Variants in MISFA observed in about 807,000 individuals in gnomAD.
The protein encoded by MISFA is mitochondrial sheath formation-associated protein.
At chr11:18,602,477 CCTCA>C in the MISFA span, 1 of 152,618 alleles carries the variant, frequency 6.6e-6, no homozygotes, top group Non-Finnish European at 1.5e-5. Flanking sequence ...CTATTCTGTG[CCTCA>C]CTTTCTCCAG....
At chr11:18,601,496 G>T in the MISFA span, 2 of 395,334 alleles carry the variant, frequency 5.1e-6, no homozygotes, top group East Asian at 7.1e-5. Context: ...CACCCAGGCT[G>T]GAGTGAGGTG....
At chr11:18,603,342 G>A in the MISFA span, 1 of 395,942 alleles carries the variant, frequency 2.5e-6, no homozygotes. Context: ...CTGTTGGGAG[G>A]GTTCCCATTT....
At chr11:18,605,685 A>G in the MISFA span, among the ~76,000 whole-genome samples, 1 of 152,028 alleles carries the variant, frequency 6.6e-6, no homozygotes, top group Non-Finnish European at 1.5e-5. Context: ...AGCTCTGCCC[A>G]TTTGCCTCGT....
chr11:18,601,147 T>G, the MISFA span: 1 of 398,482 alleles, frequency 2.5e-6, no homozygotes, highest in African/African-American at 2.1e-5. Context: ...AAAACACAAC[T>G]GAGGAGGCGG....
At chr11:18,600,512 C>CTTTTTTTTTT in the MISFA span, among the ~76,000 whole-genome samples, 1 of 54,030 alleles carries the variant, frequency 1.9e-5, no homozygotes, top group Non-Finnish European at 3.2e-5. Context: ...TGGGGACATC[C>CTTTTTTTTTT]TTTTTTTTTT....
chr11:18,604,072 G>A, the MISFA span, among the ~76,000 whole-genome samples: 180 of 151,652 alleles, frequency 1.2e-3, no homozygotes, highest in African/African-American at 4.0e-3. Flanking sequence ...GACTACAGGC[G>A]CCTGCCACCA....
chr11:18,609,859 A>G, the MISFA span: 14 of 1,613,740 alleles, frequency 8.7e-6, no homozygotes, highest in Non-Finnish European at 1.1e-5. Flanking sequence ...TAAAAGCAGC[A>G]GCTAACGCCT....
At chr11:18,608,375 T>C in the MISFA span, 1 of 152,590 alleles carries the variant, frequency 6.6e-6, no homozygotes, top group African/African-American at 2.4e-5. Context: ...ATAAAGACTT[T>C]ATGGATAAAA....
the MISFA span, among the ~76,000 whole-genome samples, chr11:18,600,639 G>C: frequency 6.8e-6 from 1 of 147,830 alleles, no homozygotes; most frequent in Non-Finnish European, 1.5e-5. Context: ...TCCTGCCTCA[G>C]CCTCCCGAGT....
chr11:18,601,591 T>G, the MISFA span: 1 of 398,328 alleles, frequency 2.5e-6, no homozygotes, highest in Non-Finnish European at 4.4e-6. Context: ...TTTTATTTTT[T>G]TAGAGACAAG....
chr11:18,603,258 AAACT>A, the MISFA span: 1 of 398,866 alleles, frequency 2.5e-6, no homozygotes, highest in Non-Finnish European at 4.4e-6. Flanking sequence ...CCCCCAAAAC[AAACT>A]AAGTATGAAA....
the MISFA span, among the ~76,000 whole-genome samples, chr11:18,600,262 G>A: frequency 6.6e-6 from 1 of 151,982 alleles, no homozygotes; most frequent in Non-Finnish European, 1.5e-5. Flanking sequence ...GGAGTGCAGT[G>A]GCGCGATCTC....
the MISFA span, chr11:18,600,022 TC>T: frequency 2.5e-6 from 1 of 398,726 alleles, no homozygotes; most frequent in African/African-American, 2.1e-5. Context: ...TGCCTGTAAA[TC>T]CCTGGTGGTC....
chr11:18,604,233 A>G, the MISFA span, among the ~76,000 whole-genome samples: 4 of 151,962 alleles, frequency 2.6e-5, no homozygotes, highest in African/African-American at 4.8e-5. Context: ...GCATTACCGC[A>G]TTTTTTAAGA....
chr11:18,605,950 T>C, the MISFA span, among the ~76,000 whole-genome samples: 1 of 152,172 alleles, frequency 6.6e-6, no homozygotes, highest in Non-Finnish European at 1.5e-5. Flanking sequence ...AGTGCTGGGA[T>C]TACAGGTGTG....
the MISFA span, chr11:18,602,259 G>A: frequency 1.3e-5 from 2 of 152,096 alleles, no homozygotes; most frequent in African/African-American, 4.8e-5. Flanking sequence ...AACTTAACTC[G>A]GAGAGTTTTA....
the MISFA span, chr11:18,603,917 CTT>C: frequency 0.01 from 543 of 52,842 alleles, 2 homozygotes; most frequent in Middle Eastern, 0.04. Flanking sequence ...AGTTACCGCA[CTT>C]TTTTTTTTTT....
At chr11:18,606,372 T>C in the MISFA span, 313 of 178,374 alleles carry the variant, frequency 1.8e-3, no homozygotes, top group African/African-American at 7.0e-3. Flanking sequence ...ATCTCAAAGT[T>C]TTAATCAATA....
At chr11:18,607,247 A>G in the MISFA span, 1 of 153,660 alleles carries the variant, frequency 6.5e-6, no homozygotes, top group Admixed American at 6.5e-5. Context: ...CCTGGCCTCC[A>G]ACTGGACACA....
Sources: allele counts gnomAD v4.1 joint callset (sites outside exome capture counted in the v4.1 genomes callset), GRCh38; gene constraint gnomAD v4.1.1; transcripts MANE v1.5; gene names NCBI Gene and HGNC (gene_info 2026-07-23, HGNC 2026-07-21).